The following NUDT21 variants were observed in gnomAD, a reference collection of about 807,000 sequenced individuals.
The protein encoded by NUDT21 is nudix hydrolase 21, also known as cleavage and polyadenylation specificity factor subunit 5.
NUDT21 carries 5 observed loss-of-function variants against 29.8 expected under a neutral mutation model. That is an observed-to-expected ratio of 0.17 (90% CI 0.09 to 0.35). The LOEUF is 0.35. Among genes scored for constraint, NUDT21 ranks in the 10% least tolerant of loss-of-function variants. The probability of loss-of-function intolerance (pLI) is 1.00; values close to 1 mark genes in which losing one functional copy is unlikely to be tolerated. For missense variants in NUDT21, 76 were observed against 276.0 expected, an observed-to-expected ratio of 0.28 and a Z score of 5.13; for synonymous variants, 113 against 98.5, an observed-to-expected ratio of 1.15 and a Z score of -0.87.
chr16:56,445,582 C>T (rs1271063389), intron 3 of NUDT21, among the ~76,000 whole-genome samples: 1 of 152,212 alleles, frequency 6.6e-6, no homozygotes, highest in African/African-American at 2.4e-5. Context: ...TCCATATATA[C>T]TTTGAACCAG....
intron 3 of NUDT21, among the ~76,000 whole-genome samples, chr16:56,440,988 C>A (rs1269851478): frequency 6.6e-6 from 1 of 152,070 alleles, no homozygotes; most frequent in African/African-American, 2.4e-5. Flanking sequence ...GATCTGCCCA[C>A]CTCACTCTCC....
rs774115053 is a variant in NUDT21 at position 56,447,883 on chromosome 16, C to T, written c.223G>A (p.Gly75Arg). The T allele has an allele frequency of 6.2e-7, 1 of 1,613,986 alleles. No individual in the cohort carries two copies. ...ACCCCTTCTACAGTCCTCCTCATTCCAATTTTATCAAATTCTTCCCTCATG... is the reference window on the plus strand; with the variant it reads ...ACCCCTTCTACAGTCCTCCTCATTCTAATTTTATCAAATTCTTCCCTCATG... Reference protein sequence around the residue: ...QRMREEFDKIGMRRTVEGVLI... With the variant: ...QRMREEFDKIRMRRTVEGVLI... The change falls in exon 2 of 7, where the codon GGA (glycine) becomes AGA (arginine). Residue 75 changes from glycine (G) to arginine (R), a missense_variant. Gly to Arg is a moderately radical substitution (Grantham distance 125). Around this residue, in one of 5 missense-constraint regions of NUDT21, gnomAD observed 27 missense variants for 149.5 expected, o/e 0.18. Coordinates refer to ENST00000300291, the MANE Select transcript of NUDT21 (RefSeq NM_007006.3).
In NUDT21 at chr16:56,451,276, T is replaced by C; in HGVS notation, c.-74A>G. ...AGACTTTCCCCGTGCGGGAAGCGGTTATCTGCAATCCCCTCAGCGGCTACT... is the reference window on the plus strand; with the variant it reads ...AGACTTTCCCCGTGCGGGAAGCGGTCATCTGCAATCCCCTCAGCGGCTACT... On this transcript the variant is annotated 5_prime_UTR_variant, in exon 1 of 7. In the 5' UTR this introduces an upstream ATG that the reference lacks. Transcript: ENST00000300291. 2 of 1,164,918 alleles carry C rather than the reference T, an allele frequency of 1.7e-6. No individual in the cohort carries two copies. The highest frequency in any genetic ancestry group is 2.5e-6 in the Non-Finnish European group (2 of 812,000). The allele number at this position is 1,164,918 out of a possible 1,614,324, so 72.2% of individuals were successfully genotyped here.
intron 1 of NUDT21, among the ~76,000 whole-genome samples, chr16:56,448,302 G>A (rs916955210): frequency 2.6e-5 from 4 of 152,190 alleles, no homozygotes; most frequent in East Asian, 1.9e-4. Context: ...TACCATGGCT[G>A]CTATTTCAAC....
intron 3 of NUDT21, among the ~76,000 whole-genome samples, chr16:56,445,041 G>A (rs1390418825): frequency 9.9e-5 from 15 of 152,166 alleles, no homozygotes; most frequent in Non-Finnish European, 2.1e-4. Flanking sequence ...AAAATTAGCT[G>A]GGCGTGGAGG....
chr16:56,430,628 C>T lies in NUDT21; in HGVS notation c.*2084G>A, dbSNP rs1334928367. On this transcript the variant is annotated 3_prime_UTR_variant, in exon 7 of 7. Transcript: ENST00000300291. ...TACCCTCTTCTAATACTGTAGACAC[C>T]TACCAACCAGATTTGATTTCCCCTA... The T allele has an allele frequency of 2.6e-5, 4 of 152,158 alleles. No individual in the cohort carries two copies. The highest frequency in any genetic ancestry group is 7.2e-5 in the African/African-American group (3 of 41,426). 9.4% of individuals were successfully genotyped at this position (152,158 alleles called of 1,614,324 possible). A position where few individuals can be genotyped will look rare whatever the true frequency, so the allele number is the denominator to read the frequency against.
chr16:56,438,954 C>G (rs1596955091), intron 4 of NUDT21, among the ~76,000 whole-genome samples: 1 of 152,002 alleles, frequency 6.6e-6, no homozygotes. Flanking sequence ...AATAACAGTA[C>G]TATAGTTATC....
intron 2 of NUDT21, chr16:56,447,585 T>C (rs1182485164): frequency 3.6e-6 from 2 of 553,636 alleles, no homozygotes; most frequent in African/African-American, 1.9e-5. Context: ...ATCAACAACA[T>C]ACAGAAACAT....
chr16:56,446,670 G>T lies in NUDT21; in HGVS notation c.337C>A (p.Pro113Thr), dbSNP rs774202902. 1 of 1,604,824 alleles carries T rather than the reference G, an allele frequency of 6.2e-7. No individual in the cohort carries two copies. Among genetic ancestry groups the T allele is most frequent in the South Asian group, 1.1e-5 (1 of 89,964 alleles). The change falls in exon 3 of 7, where the codon CCA (proline) becomes ACA (threonine). Residue 113 changes from proline (P) to threonine (T), a missense_variant. Around this residue, in one of 5 missense-constraint regions of NUDT21, gnomAD observed 27 missense variants for 149.5 expected, o/e 0.18. Coordinates refer to ENST00000300291, the MANE Select transcript of NUDT21 (RefSeq NM_007006.3). ...FFKLPGGELNPGEDEVEGLKR... is the reference protein window; with the variant it reads ...FFKLPGGELNTGEDEVEGLKR... ...AGTCCTTCAACTTCATCTTCTCCTG[G>T]GTTAAGTTCACCACCAGGTCTGTAT... is the stretch of plus-strand genomic sequence containing the variant.
intron 3 of NUDT21, among the ~76,000 whole-genome samples, chr16:56,442,096 G>A (rs1192294674): frequency 6.6e-6 from 1 of 152,036 alleles, no homozygotes; most frequent in Non-Finnish European, 1.5e-5. Context: ...TGCCAAGGGT[G>A]GTCTCAAACT....
Position 56,435,761 on chromosome 16 carries a change from A to ATATATG in NUDT21, c.472-933_472-932insCATATA, listed in dbSNP as rs1380168210. Among the ~76,000 whole-genome samples, 4 of 85,260 alleles carry ATATATG rather than the reference A, an allele frequency of 4.7e-5. 1 individual carries two copies. Among genetic ancestry groups the ATATATG allele is most frequent in the Non-Finnish European group, 1.0e-4 (4 of 40,100 alleles). 55.9% of individuals were successfully genotyped at this position (85,260 alleles called of 152,430 possible). A position where few individuals can be genotyped will look rare whatever the true frequency, so the allele number is the denominator to read the frequency against. On this transcript the variant is annotated intron_variant, in intron 4 of 6. Coordinates refer to ENST00000300291, the MANE Select transcript of NUDT21 (RefSeq NM_007006.3). ...AAAAAAATTATATATATATATATAT[A>ATATATG]TATATATATATATATATATATATGA...
chr16:56,448,043 T>G, intron 1 of NUDT21, 54 bp from the exon 2 acceptor site: 1 of 1,478,890 alleles, frequency 6.8e-7, no homozygotes, highest in Non-Finnish European at 9.4e-7. Flanking sequence ...TAATTTACCA[T>G]GACAGACATT....
chr16:56,451,050 A>C (rs1423119519), intron 1 of NUDT21, 37 bp downstream of exon 1: 1 of 1,574,238 alleles, frequency 6.4e-7, no homozygotes, highest in Non-Finnish European at 8.7e-7. Flanking sequence ...AGGAGCTTTC[A>C]CGAGAGAAAT....
rs1425147735 is a variant in NUDT21, at chr16:56,451,258, C to T, written c.-56G>A. 4.4e-6 allele frequency: 6 copies of T among 1,359,594 alleles called. No individual in the cohort carries two copies. Among genetic ancestry groups the T allele is most frequent in the African/African-American group, 4.3e-5 (3 of 69,296 alleles). The allele number at this position is 1,359,594 out of a possible 1,614,324, so 84.2% of individuals were successfully genotyped here. A position where few individuals can be genotyped will look rare whatever the true frequency, so the allele number is the denominator to read the frequency against. On this transcript the variant is annotated 5_prime_UTR_variant, in exon 1 of 7. Coordinates refer to ENST00000300291, the MANE Select transcript of NUDT21 (RefSeq NM_007006.3). The stretch of plus-strand genomic sequence containing the variant: ...GAAAGTGGCAGGCAGGGTAGACTTT[C>T]CCCGTGCGGGAAGCGGTTATCTGCA...
At chr16:56,445,179 C>T (rs1170050321) in intron 3 of NUDT21, among the ~76,000 whole-genome samples, 1 of 151,094 alleles carries the variant, frequency 6.6e-6, no homozygotes, top group Non-Finnish European at 1.5e-5. Flanking sequence ...AGAGAGACTT[C>T]GTCTCAAGAA....
At chr16:56,447,275 A>G (rs1209104072) in intron 2 of NUDT21, among the ~76,000 whole-genome samples, 3 of 152,190 alleles carry the variant, frequency 2.0e-5, no homozygotes, top group African/African-American at 7.2e-5. Context: ...GGAATGGATC[A>G]CATTCTTTAG....
At chr16:56,442,266 C>A (rs1354627780) in intron 3 of NUDT21, among the ~76,000 whole-genome samples, 1 of 152,148 alleles carries the variant, frequency 6.6e-6, no homozygotes, top group Non-Finnish European at 1.5e-5. Context: ...TATTTTATTC[C>A]ATTTTGGGGG....
intron 3 of NUDT21, among the ~76,000 whole-genome samples, chr16:56,442,566 G>T (rs1962171588): frequency 6.6e-6 from 1 of 152,100 alleles, no homozygotes; most frequent in Non-Finnish European, 1.5e-5. Flanking sequence ...ACATCTTTTT[G>T]TTTTTATTTT....
Position 56,447,587 on chromosome 16 carries a change from C to A in NUDT21, c.317+202G>T, listed in dbSNP as rs565157172. 9 of 556,040 alleles carry A rather than the reference C, an allele frequency of 1.6e-5. No homozygotes were observed. The South Asian group carries it at 1.6e-4, about 10-fold the overall frequency. The allele number at this position is 556,040 out of a possible 1,614,324, so 34.4% of individuals were successfully genotyped here. On this transcript the variant is annotated intron_variant, in intron 2 of 6. Transcript: ENST00000300291. ...CTCAATCATTAACATCAACAACATA[C>A]AGAAACATACAGATTACTAGTTAGG...
Sources: allele counts gnomAD v4.1 joint callset (sites outside exome capture counted in the v4.1 genomes callset), GRCh38; gene constraint gnomAD v4.1.1; regional missense constraint gnomAD v4.1.1; transcripts MANE v1.5; gene names NCBI Gene and HGNC (gene_info 2026-07-23, HGNC 2026-07-21).